The following HYDIN variants were observed in gnomAD, a reference collection of about 807,000 sequenced individuals.
The protein encoded by HYDIN is HYDIN axonemal central pair apparatus protein.
HYDIN carries 132 observed loss-of-function variants against 403.9 expected under a neutral mutation model. The ratio of observed to expected loss-of-function variants is 0.33; its 90% CI spans 0.28 to 0.38. The LOEUF (loss-of-function observed/expected upper bound fraction) is 0.38. Among genes scored for constraint, HYDIN ranks in the 10% least tolerant of loss-of-function variants. The probability of loss-of-function intolerance (pLI) is 1.00; values close to 1 mark genes in which losing one functional copy is unlikely to be tolerated. For missense variants in HYDIN, 2,827 were observed against 5,009.5 expected (o/e 0.56, Z 13.15); for synonymous variants, 1,202 against 1,891.7 (o/e 0.64, Z 9.46).
chr16:70,833,578 C>T (rs1479834004), intron 79 of HYDIN, among the ~76,000 whole-genome samples: 3 of 133,496 alleles, frequency 2.2e-5, no homozygotes, highest in African/African-American at 9.0e-5. Context: ...GTTGGGCACT[C>T]GCTTATCTGT....
At chr16:71,063,774 C>T (rs1213611543) in intron 16 of HYDIN, among the ~76,000 whole-genome samples, 1 of 152,126 alleles carries the variant, frequency 6.6e-6, no homozygotes, top group African/African-American at 2.4e-5. Context: ...ATTAAACACA[C>T]ATATGATTGG....
chr16:71,039,704 C>T (rs1190548272), intron 18 of HYDIN, among the ~76,000 whole-genome samples: 1 of 152,204 alleles, frequency 6.6e-6, no homozygotes, highest in Non-Finnish European at 1.5e-5. Flanking sequence ...TGCCTCATCT[C>T]CTTTTCAGAT....
intron 60 of HYDIN, among the ~76,000 whole-genome samples, chr16:70,881,607 CAAA>C (rs10711812): frequency 1.5e-5 from 2 of 130,688 alleles, no homozygotes. Flanking sequence ...GACTCCGTCT[CAAA>C]AAAAAAAAAA....
chr16:70,960,530 TGTAGA>T (rs2078379200), intron 38 of HYDIN, among the ~76,000 whole-genome samples: 2 of 147,928 alleles, frequency 1.4e-5, no homozygotes, highest in Non-Finnish European at 3.0e-5. Context: ...GTGTATTAAT[TGTAGA>T]GTAGTGTGCA....
chr16:70,859,196 A>G (rs373948035), intron 71 of HYDIN, among the ~76,000 whole-genome samples: 4 of 152,110 alleles, frequency 2.6e-5, no homozygotes, highest in Admixed American at 6.5e-5. Context: ...AGCTACTCGG[A>G]AGGCTGAGTC....
intron 1 of HYDIN, among the ~76,000 whole-genome samples, chr16:71,197,100 C>G (rs933338660): frequency 6.6e-6 from 1 of 152,114 alleles, no homozygotes; most frequent in Admixed American, 6.6e-5. Context: ...GATTGGGACC[C>G]CTTTCCAAAA....
At chr16:70,911,711 T>C (rs1311093195) in intron 47 of HYDIN, among the ~76,000 whole-genome samples, 3 of 152,166 alleles carry the variant, frequency 2.0e-5, no homozygotes, top group African/African-American at 7.2e-5. Context: ...AGTATGGTCA[T>C]TTTCACAATA....
intron 52 of HYDIN, among the ~76,000 whole-genome samples, chr16:70,901,685 A>C (rs1163309723): frequency 4.0e-5 from 6 of 149,438 alleles, no homozygotes; most frequent in Non-Finnish European, 5.9e-5. Flanking sequence ...TCCCAGGCTC[A>C]AGCAATTCTC....
intron 7 of HYDIN, among the ~76,000 whole-genome samples, chr16:71,152,347 T>C (rs555748515): frequency 6.6e-6 from 1 of 152,152 alleles, no homozygotes; most frequent in South Asian, 2.1e-4. Context: ...TAAAATTGAT[T>C]TTATTATTAT....
At chr16:71,151,109 A>G (rs1011254879) in intron 7 of HYDIN, among the ~76,000 whole-genome samples, 3 of 152,170 alleles carry the variant, frequency 2.0e-5, no homozygotes, top group African/African-American at 7.2e-5. Flanking sequence ...AAATGACACA[A>G]CTATCTTGGA....
intron 25 of HYDIN, 174 bp downstream of exon 25, chr16:70,991,144 C>T (rs1200583526): frequency 1.1e-6 from 1 of 920,572 alleles, no homozygotes; most frequent in African/African-American, 1.7e-5. Context: ...AGTGTAGGCT[C>T]TCACTGAGTG....
At chr16:71,132,059 GA>G (rs2084732884) in intron 8 of HYDIN, 1 of 128,956 alleles carries the variant, frequency 7.8e-6, no homozygotes, top group Non-Finnish European at 1.6e-5. Context: ...TACAGACTTA[GA>G]CATACCAAAA....
At chr16:70,931,210 GTTTTTTTTT>G (rs71387550) in intron 45 of HYDIN, among the ~76,000 whole-genome samples, 12 of 59,478 alleles carry the variant, frequency 2.0e-4, no homozygotes, top group South Asian at 8.4e-4. Context: ...TCTTTCTTCT[GTTTTTTTTT>G]TTTTTTTTTT....
At chr16:70,859,913 G>A (rs1346948662) in intron 71 of HYDIN, among the ~76,000 whole-genome samples, 155 bp downstream of exon 71, 1 of 151,656 alleles carries the variant, frequency 6.6e-6, no homozygotes, top group Non-Finnish European at 1.5e-5. Flanking sequence ...ATTGCCCAAT[G>A]CATATGGCAG....
At chr16:70,956,143 G>C (rs1473041328) in intron 39 of HYDIN, among the ~76,000 whole-genome samples, 3 of 151,960 alleles carry the variant, frequency 2.0e-5, no homozygotes, top group African/African-American at 7.3e-5. Flanking sequence ...GGTTCTATCA[G>C]ATGATCTTTA....
intron 65 of HYDIN, among the ~76,000 whole-genome samples, chr16:70,869,848 G>A (rs903593002): frequency 4.6e-5 from 7 of 152,200 alleles, no homozygotes; most frequent in Non-Finnish European, 7.3e-5. Context: ...GGCAGAGGTT[G>A]GAACTGTTTG....
chr16:71,043,787 GT>G, intron 18 of HYDIN, among the ~76,000 whole-genome samples: 1 of 151,954 alleles, frequency 6.6e-6, no homozygotes, highest in African/African-American at 2.4e-5. Context: ...AAGTATTTAT[GT>G]TTAAGAGTAA....
intron 14 of HYDIN, among the ~76,000 whole-genome samples, chr16:71,067,990 C>T (rs1212724081): frequency 6.6e-6 from 1 of 151,768 alleles, no homozygotes; most frequent in Non-Finnish European, 1.5e-5. Context: ...CTCATTGGTA[C>T]TTAGATTCCA....
intron 39 of HYDIN, chr16:70,959,355 T>G (rs2078339400): frequency 5.1e-6 from 1 of 195,218 alleles, no homozygotes; most frequent in African/African-American, 2.4e-5. Flanking sequence ...GTGCCAAGTA[T>G]TGAGATAAGC....
Sources: allele counts gnomAD v4.1 joint callset (sites outside exome capture counted in the v4.1 genomes callset), GRCh38; gene constraint gnomAD v4.1.1; transcripts MANE v1.5; gene names NCBI Gene and HGNC (gene_info 2026-07-23, HGNC 2026-07-21).